ELFN2: variants seen among roughly 807,000 people sequenced by gnomAD.
The protein encoded by ELFN2 is extracellular leucine rich repeat and fibronectin type III domain containing 2.
ELFN2 carries 17 observed loss-of-function variants against 45.5 expected under a neutral mutation model. That is an observed-to-expected ratio of 0.37 (90% CI 0.26 to 0.56). The LOEUF is 0.56. Among genes scored for constraint, ELFN2 ranks in the 20% least tolerant of loss-of-function variants. The pLI is 0.77. For missense variants in ELFN2, 922 were observed against 1,183.2 expected (o/e 0.78, Z 3.24); for synonymous variants, 550 against 551.5 (o/e 1.00, Z 0.04).
At position 37,373,527 on chromosome 22, in the gene ELFN2, G is replaced by A. The variant is rs769989620; in HGVS notation, c.2008C>T (p.Leu670Phe). 1 of 1,574,654 alleles carries A rather than the reference G, an allele frequency of 6.4e-7. No homozygotes were observed. The highest frequency in any genetic ancestry group is 8.6e-7 in the Non-Finnish European group (1 of 1,162,328). Residue 670 changes from leucine to phenylalanine, a missense_variant, in exon 3 of 3, where the codon CTC (leucine) becomes TTC (phenylalanine). Leu to Phe is a conservative substitution (Grantham distance 22). Coordinates refer to ENST00000402918, the MANE Select transcript of ELFN2 (RefSeq NM_052906.5). ...GGGAGCCGGTCCAGCGGGCTGTTGA[G>A]GGGGCTGCCCTTCTCGATGTACTTG... Reference protein sequence around the residue: ...DSKYIEKGSPLNSPLDRLPLV... With the variant: ...DSKYIEKGSPFNSPLDRLPLV...
At position 37,374,560 on chromosome 22, in the gene ELFN2, G is replaced by A. The variant is rs1414340439; in HGVS notation, c.975C>T (p.Leu325=). Residue 325 remains leucine, a synonymous_variant, in exon 3 of 3, where the codon CTC becomes CTT. Transcript: ENST00000402918. ...AGAAGTAGCTGTTGTTGTACTGCACGAGGATGTACATCTTGCTGTAGGGGT... is the reference window on the plus strand; with the variant it reads ...AGAAGTAGCTGTTGTTGTACTGCACAAGGATGTACATCTTGCTGTAGGGGT... The part of the protein sequence containing the change: ...IPHPYSKMYI[L]VQYNNSYFSD... The A allele has an allele frequency of 6.2e-6, 10 of 1,614,142 alleles. No homozygotes were observed. The highest frequency in any genetic ancestry group is 2.2e-5 in the East Asian group (1 of 44,902).
intron 2 of ELFN2, among the ~76,000 whole-genome samples, chr22:37,410,371 C>T (rs1258655529): frequency 2.6e-5 from 4 of 152,158 alleles, no homozygotes; most frequent in African/African-American, 9.7e-5. Flanking sequence ...CCACTCACTG[C>T]GGTGTGGCCC....
chr22:37,345,453 C>T (rs571474764), intron 1 of ELFN2, among the ~76,000 whole-genome samples: 17 of 152,306 alleles, frequency 1.1e-4, no homozygotes, highest in Non-Finnish European at 1.6e-4. Context: ...GGGAGTCAAA[C>T]GCCCTGGCAC....
Position 37,375,853 on chromosome 22 carries a change from C to T in ELFN2, c.-319G>A, listed in dbSNP as rs1374071900. 2.4e-6 allele frequency: 1 copy of T among 420,354 alleles called. No homozygotes were observed. Among genetic ancestry groups the T allele is most frequent in the Non-Finnish European group, 4.4e-6 (1 of 227,036 alleles). The allele number at this position is 420,354 out of a possible 1,614,324, so 26.0% of individuals were successfully genotyped here. On this transcript the variant is annotated 5_prime_UTR_variant, in exon 3 of 3. Transcript: ENST00000402918. ...CTTCCTCTCCCTCCTCCTCCTCCTCCTCCTCCTCCTCCTCCTCGTCTTCCT... is the reference window on the plus strand; with the variant it reads ...CTTCCTCTCCCTCCTCCTCCTCCTCTTCCTCCTCCTCCTCCTCGTCTTCCT...
chr22:37,347,104 G>A (rs902112545), intron 1 of ELFN2, among the ~76,000 whole-genome samples: 9 of 151,952 alleles, frequency 5.9e-5, no homozygotes, highest in South Asian at 2.1e-4. Context: ...TCAGCCTCCC[G>A]AGTAGCTGGG....
intron 1 of ELFN2, among the ~76,000 whole-genome samples, chr22:37,343,499 C>G (rs564101899): frequency 5.9e-5 from 9 of 152,186 alleles, no homozygotes; most frequent in Admixed American, 4.6e-4. Flanking sequence ...TCTCAGCCCC[C>G]GGCCTGGGCT....
intron 1 of ELFN2, chr22:37,353,285 A>C (rs981070525): frequency 2.6e-5 from 4 of 151,046 alleles, no homozygotes; most frequent in African/African-American, 4.8e-5. Context: ...AGAGTCCCTC[A>C]TGGGGTCTAG....
downstream of ELFN2, among the ~76,000 whole-genome samples, chr22:37,363,687 T>A (rs988212403): frequency 6.6e-6 from 1 of 151,786 alleles, no homozygotes; most frequent in Non-Finnish European, 1.5e-5. Flanking sequence ...CAACTGGAGG[T>A]TGGGCCCTAG....
intron 2 of ELFN2, among the ~76,000 whole-genome samples, chr22:37,387,520 C>T (rs533336772): frequency 6.6e-6 from 1 of 152,266 alleles, no homozygotes; most frequent in Admixed American, 6.5e-5. Flanking sequence ...GACTAAGCTT[C>T]TGCCTTCAGG....
rs550200587 is a variant in ELFN2 at position 37,368,845 on chromosome 22, C to A, written c.*4227G>T. The A allele has an allele frequency of 3.9e-5, 6 of 152,338 alleles. No individual in the cohort carries two copies. The highest frequency in any genetic ancestry group is 1.2e-4 in the African/African-American group (5 of 41,526). 9.4% of individuals were successfully genotyped at this position (152,338 alleles called of 1,614,324 possible). On this transcript the variant is annotated 3_prime_UTR_variant, in exon 3 of 3. Coordinates refer to ENST00000402918, the MANE Select transcript of ELFN2 (RefSeq NM_052906.5). ...ACAGAGGCGGTGCTTGGGGGACAGG[C>A]AGCCACTGCAACCCCACTCCCTCTA... is the stretch of plus-strand genomic sequence containing the variant.
chr22:37,354,634 C>CATCTAGTTAACATGCACG (rs1437038010), intron 1 of ELFN2: 2 of 151,622 alleles, frequency 1.3e-5, no homozygotes, highest in Non-Finnish European at 1.5e-5. Flanking sequence ...AAATACAGGA[C>CATCTAGTTAACATGCACG]GTACAAATGA....
chr22:37,418,325 C>T (rs570254890), intron 1 of ELFN2, among the ~76,000 whole-genome samples: 1 of 152,082 alleles, frequency 6.6e-6, no homozygotes, highest in Admixed American at 6.5e-5. Flanking sequence ...CTGAGGCTTC[C>T]AATCGTAACC....
intron 2 of ELFN2, among the ~76,000 whole-genome samples, chr22:37,341,592 T>A (rs1396883421): frequency 6.6e-6 from 1 of 152,200 alleles, no homozygotes; most frequent in East Asian, 1.9e-4. Flanking sequence ...TGGTTCTATT[T>A]CTGGGATTTT....
chr22:37,406,228 C>T (rs1165223009), intron 2 of ELFN2, among the ~76,000 whole-genome samples: 2 of 152,202 alleles, frequency 1.3e-5, no homozygotes, highest in African/African-American at 2.4e-5. Flanking sequence ...CGAGGTGATA[C>T]GTGAAAGTTG....
chr22:37,342,565 C>T (rs1314533710), intron 2 of ELFN2: 1 of 152,160 alleles, frequency 6.6e-6, no homozygotes, highest in African/African-American at 2.4e-5. Flanking sequence ...GTCCCCCCCA[C>T]TCCTGGGTCC....
chr22:37,383,472 T>C (rs778121086), intron 2 of ELFN2, among the ~76,000 whole-genome samples: 3 of 152,164 alleles, frequency 2.0e-5, no homozygotes, highest in Non-Finnish European at 2.9e-5. Flanking sequence ...CTGCTCTGGG[T>C]CCCGGGGGAG....
rs1601746506 is a variant in ELFN2, at chr22:37,374,887, C to T, written c.648G>A (p.Glu216=). The T allele has an allele frequency of 6.2e-7, 1 of 1,611,616 alleles. No homozygotes were observed. Among genetic ancestry groups the T allele is most frequent in the Non-Finnish European group, 8.5e-7 (1 of 1,179,934 alleles). ...VTKNYDRLQC[E]SPREFAGYPL... Reference sequence around the variant, plus strand: ...GGTAGCCGGCAAACTCCCGCGGCGACTCACACTGCAGGCGGTCGTAGTTCT... The same window carrying T: ...GGTAGCCGGCAAACTCCCGCGGCGATTCACACTGCAGGCGGTCGTAGTTCT... The change falls in exon 3 of 3, where the codon GAG becomes GAA. Residue 216 remains glutamate, a synonymous_variant. Coordinates refer to ENST00000402918, the MANE Select transcript of ELFN2 (RefSeq NM_052906.5).
At chr22:37,384,025 G>T (rs986827061) in intron 2 of ELFN2, among the ~76,000 whole-genome samples, 1 of 152,074 alleles carries the variant, frequency 6.6e-6, no homozygotes, top group African/African-American at 2.4e-5. Flanking sequence ...CCACCCCAAA[G>T]CCCTGTCACC....
chr22:37,395,657 C>CG (rs913519880), intron 2 of ELFN2, among the ~76,000 whole-genome samples: 8 of 152,170 alleles, frequency 5.3e-5, no homozygotes, highest in African/African-American at 1.9e-4. Context: ...TCCTCACCCA[C>CG]GGGGGGCAGG....
Sources: gnomAD v4.1 joint callset for allele counts (sites outside exome capture counted in the v4.1 genomes callset) on GRCh38, gnomAD v4.1.1 for gene constraint, MANE v1.5 for transcripts, NCBI Gene and HGNC (gene_info 2026-07-23, HGNC 2026-07-21) for gene names.